IGHMBP2: variants seen among roughly 807,000 people sequenced by gnomAD.
IGHMBP2 encodes immunoglobulin mu DNA binding protein 2.
IGHMBP2 carries 81 observed loss-of-function variants against 96.0 expected under a neutral mutation model. The ratio of observed to expected loss-of-function variants is 0.84; its 90% confidence interval spans 0.71 to 1.01. The LOEUF (loss-of-function observed/expected upper bound fraction) is 1.01. Among genes scored for constraint, IGHMBP2 ranks in the 50% least tolerant of loss-of-function variants. The probability of loss-of-function intolerance (pLI) is 0.00; values close to 1 mark genes in which losing one functional copy is unlikely to be tolerated. For synonymous variants in IGHMBP2, 557 were observed against 548.9 expected (o/e 1.01, Z -0.21); for missense variants, 1,227 against 1,306.3 (o/e 0.94, Z 0.94).
At chr11:68,938,056 A>G (rs1257613974) in intron 13 of IGHMBP2, 126 bp from the exon 14 acceptor site, 7 of 1,053,642 alleles carry the variant, frequency 6.6e-6, no homozygotes, top group Non-Finnish European at 1.0e-5. Flanking sequence ...CTCCTACCTC[A>G]GCCTCCCAAA....
Position 68,936,616 on chromosome 11 carries a change from C to T in IGHMBP2, c.2136C>T (p.Leu712=). Residue 712 remains leucine (L), a synonymous_variant, in exon 13 of 15, where the codon CTC becomes CTT. Transcript: ENST00000255078. The part of the protein sequence containing the change: ...LASEAPSQPS[L]NGGSPEGVES... Reference sequence around the variant, plus strand: ...CTGAAGCTCCATCTCAGCCCAGCCTCAACGGAGGCAGCCCAGAGGGAGTGG... The same window carrying T: ...CTGAAGCTCCATCTCAGCCCAGCCTTAACGGAGGCAGCCCAGAGGGAGTGG... 6.2e-7 allele frequency: 1 copy of T among 1,613,688 alleles called. No individual in the cohort carries two copies. The highest frequency in any genetic ancestry group is 8.5e-7 in the Non-Finnish European group (1 of 1,179,866).
rs550981427 is a variant in IGHMBP2 at position 68,927,305 on chromosome 11, C to T, written c.1061-1878C>T. Among the ~76,000 whole-genome samples the T allele has an allele frequency of 3.3e-5, 5 of 152,350 alleles. No homozygotes were observed. The South Asian group carries it at 1.0e-3, about 32-fold the overall frequency. ...TTTTGTCTTGCGTGGCCACTAAAGT[C>T]TAATACAACTTAGTGGCCAGCTAGT... On this transcript the variant is annotated intron_variant, in intron 7 of 14. Coordinates refer to ENST00000255078, the MANE Select transcript of IGHMBP2 (RefSeq NM_002180.3).
chr11:68,916,429 G>A (rs1031416845), intron 6 of IGHMBP2, among the ~76,000 whole-genome samples: 5 of 152,106 alleles, frequency 3.3e-5, no homozygotes, highest in Admixed American at 6.5e-5. Context: ...TGAGCTCTTT[G>A]GTTCTCCCGT....
At chr11:68,912,043 C>T (rs1858458455) in intron 5 of IGHMBP2, among the ~76,000 whole-genome samples, 1 of 152,374 alleles carries the variant, frequency 6.6e-6, no homozygotes, top group East Asian at 1.9e-4. Flanking sequence ...ATACGATGCA[C>T]ATGTCCAGTG....
Position 68,911,579 on chromosome 11 carries a change from T to C in IGHMBP2, c.687T>C (p.Leu229=), listed in dbSNP as rs1160020799. Reference sequence around the variant, plus strand: ...CCACGACTGTGGTTGAGATCATTCTTCAAGCTGTGAAACAAGGCTTAAAGG... The same window carrying C: ...CCACGACTGTGGTTGAGATCATTCTCCAAGCTGTGAAACAAGGCTTAAAGG... ...GKTTTVVEII[L]QAVKQGLKVL... Residue 229 remains leucine, a synonymous_variant, in exon 5 of 15, where the codon CTT becomes CTC. Transcript: ENST00000255078. 3 of 1,614,222 alleles carry C rather than the reference T, an allele frequency of 1.9e-6. No homozygotes were observed. The highest frequency in any genetic ancestry group is 2.5e-6 in the Non-Finnish European group (3 of 1,180,050).
intron 1 of IGHMBP2, 22 bp downstream of exon 1, chr11:68,904,060 G>C (rs763059832): frequency 2.6e-6 from 4 of 1,536,852 alleles, no homozygotes; most frequent in Non-Finnish European, 3.5e-6. Flanking sequence ...CGCCGGCGCC[G>C]CTCCCTCGCG....
At position 68,933,390 on chromosome 11, in the gene IGHMBP2, C is replaced by T. The variant is rs751549678; in HGVS notation, c.1327C>T (p.Arg443Cys). The change falls in exon 9 of 15, where the codon CGC (arginine) becomes TGC (cysteine). Residue 443 changes from arginine to cysteine, a missense_variant. Coordinates refer to ENST00000255078, the MANE Select transcript of IGHMBP2 (RefSeq NM_002180.3). ...GGTGCGGACACTGACGGTGCAGTAC[C>T]GCATGCACCAGGCTATCATGCGCTG... is the stretch of plus-strand genomic sequence containing the variant. ...RVVRTLTVQYRMHQAIMRWAS... is the reference protein window; with the variant it reads ...RVVRTLTVQYCMHQAIMRWAS... 8 of 1,612,810 alleles carry T rather than the reference C, an allele frequency of 5.0e-6. No individual in the cohort carries two copies. Among genetic ancestry groups the T allele is most frequent in the Admixed American group, 1.7e-5 (1 of 59,948 alleles).
intron 7 of IGHMBP2, among the ~76,000 whole-genome samples, chr11:68,927,254 T>C (rs1425159174): frequency 6.6e-6 from 1 of 152,276 alleles, no homozygotes; most frequent in Non-Finnish European, 1.5e-5. Flanking sequence ...GTGACTTTTC[T>C]GGACTAATTC....
rs1270480815 is a variant in IGHMBP2, at chr11:68,936,872, G to A, written c.2392G>A (p.Gly798Arg). ...RPRAALGPPA[G>R]TGGPAPLQPV... ...CCGAGCAGCCCTGGGACCCCCAGCA[G>A]GGACCGGTGGCCCAGCCCCTCTCCA... Residue 798 changes from glycine (G) to arginine (R), a missense_variant, in exon 13 of 15, where the codon GGG becomes AGG. Around this residue, in one of 3 missense-constraint regions of IGHMBP2, gnomAD observed 703 missense variants for 770.3 expected, o/e 0.91. Coordinates refer to ENST00000255078, the MANE Select transcript of IGHMBP2 (RefSeq NM_002180.3). 5.6e-6 allele frequency: 9 copies of A among 1,611,736 alleles called. No individual in the cohort carries two copies. Among genetic ancestry groups the A allele is most frequent in the South Asian group, 1.1e-5 (1 of 90,942 alleles).
At chr11:68,912,431 A>G (rs1033844726) in intron 5 of IGHMBP2, among the ~76,000 whole-genome samples, 1 of 151,996 alleles carries the variant, frequency 6.6e-6, no homozygotes, top group Non-Finnish European at 1.5e-5. Context: ...TGCCCGGCCC[A>G]GTTACATTTT....
chr11:68,929,997 A>G (rs1322224850), intron 8 of IGHMBP2: 1 of 452,052 alleles, frequency 2.2e-6, no homozygotes, highest in Non-Finnish European at 2.5e-6. Flanking sequence ...ACCTCTCCCC[A>G]TACTACCCAG....
At position 68,921,850 on chromosome 11, in the gene IGHMBP2, T is replaced by C. The variant is rs868371049; in HGVS notation, c.1060+3967T>C. ...CCAGTAGCTTTTGTATGTCTGAAAATATCTTGTTTCACCTGCAGTTTTGAA... is the reference window on the plus strand; with the variant it reads ...CCAGTAGCTTTTGTATGTCTGAAAACATCTTGTTTCACCTGCAGTTTTGAA... On this transcript the variant is annotated intron_variant, in intron 7 of 14. Coordinates refer to ENST00000255078, the MANE Select transcript of IGHMBP2 (RefSeq NM_002180.3). 7.2e-5 allele frequency among the ~76,000 whole-genome samples: 11 copies of C among 152,338 alleles called. No homozygotes were observed. The South Asian group carries it at 2.3e-3, about 32-fold the overall frequency.
chr11:68,936,077 G>A (rs966878872), intron 12 of IGHMBP2, among the ~76,000 whole-genome samples, 160 bp from the exon 13 acceptor site: 3 of 152,344 alleles, frequency 2.0e-5, no homozygotes, highest in Non-Finnish European at 4.4e-5. Context: ...GCCAGGGCAG[G>A]TGTGGCATCA....
chr11:68,909,883 C>T (rs1420847689), intron 4 of IGHMBP2, among the ~76,000 whole-genome samples: 7 of 152,074 alleles, frequency 4.6e-5, no homozygotes, highest in East Asian at 1.9e-4. Flanking sequence ...CTACCTGCCT[C>T]GGCCTCCCAA....
At chr11:68,910,896 A>G (rs1453649453) in intron 4 of IGHMBP2, among the ~76,000 whole-genome samples, 1 of 152,126 alleles carries the variant, frequency 6.6e-6, no homozygotes, top group East Asian at 1.9e-4. Context: ...AAAAAAAAAA[A>G]AAAGAAGCAG....
intron 7 of IGHMBP2, among the ~76,000 whole-genome samples, chr11:68,928,360 G>T (rs1203115238): frequency 6.6e-6 from 1 of 152,206 alleles, no homozygotes; most frequent in Admixed American, 6.5e-5. Flanking sequence ...GCCAAGTTCT[G>T]TCTCCTCTGT....
Position 68,906,150 on chromosome 11 carries a change from C to T in IGHMBP2, c.168C>T (p.Arg56=), listed in dbSNP as rs2154006537. 1 of 1,614,172 alleles carries T rather than the reference C, an allele frequency of 6.2e-7. No homozygotes were observed. Among genetic ancestry groups the T allele is most frequent in the East Asian group, 2.2e-5 (1 of 44,890 alleles). ...CLLKLQVSSQ[R]TGLYGRLLVT... The stretch of plus-strand genomic sequence containing the variant: ...TGAAGCTGCAGGTATCCAGCCAGCG[C>T]ACTGGGCTGTACGGACGGCTGCTGG... The change falls in exon 2 of 15, where the codon CGC becomes CGT. Residue 56 remains arginine, a synonymous_variant. Coordinates refer to ENST00000255078, the MANE Select transcript of IGHMBP2 (RefSeq NM_002180.3).
intron 7 of IGHMBP2, among the ~76,000 whole-genome samples, chr11:68,918,462 T>G (rs1329736032): frequency 1.3e-5 from 2 of 151,862 alleles, no homozygotes; most frequent in African/African-American, 2.4e-5. Context: ...GCCAACATGG[T>G]GAAACCCCAT....
At chr11:68,930,278 C>T (rs1859235484) in intron 8 of IGHMBP2, 7 of 1,284,856 alleles carry the variant, frequency 5.4e-6, no homozygotes, top group African/African-American at 1.5e-5. Flanking sequence ...CTTCAGATTT[C>T]GGTTGCCTTT....
Sources: gnomAD v4.1 joint callset for allele counts (sites outside exome capture counted in the v4.1 genomes callset) on GRCh38, gnomAD v4.1.1 for gene constraint, gnomAD v4.1.1 regional missense constraint, MANE v1.5 for transcripts, NCBI Gene and HGNC (gene_info 2026-07-23, HGNC 2026-07-21) for gene names.